The following YIPF5 variants were observed in gnomAD, a reference collection of about 807,000 sequenced individuals.
YIPF5 encodes the protein Yip1 domain family member 5.
YIPF5 carries 8 observed loss-of-function variants against 30.4 expected under a neutral mutation model. The observed-to-expected ratio is 0.26, with a 90% CI of 0.15 to 0.47. The LOEUF (loss-of-function observed/expected upper bound fraction) is 0.47. Among genes scored for constraint, YIPF5 ranks in the 20% least tolerant of loss-of-function variants. The pLI is 0.99. For synonymous variants in YIPF5, 104 were observed against 107.9 expected, an observed-to-expected ratio of 0.96 and a Z score of 0.23; for missense variants, 282 against 301.8, an observed-to-expected ratio of 0.93 and a Z score of 0.49.
Position 144,160,520 on chromosome 5 carries a change from T to C in YIPF5, c.651A>G (p.Gly217=), listed in dbSNP as rs1429079086. The change falls in exon 6 of 6, where the codon GGA becomes GGG. Residue 217 remains glycine, a synonymous_variant. Transcript: ENST00000274496. ...VGIILTAGII[G]WCSFSASKIF... ...TTTTGGAAGCAGAAAAACTACACCA[T>C]CCAATAATCCCAGCAGTGAGAATGA... is the stretch of plus-strand genomic sequence containing the variant. 5 of 1,613,574 alleles carry C rather than the reference T, an allele frequency of 3.1e-6. No individual in the cohort carries two copies. Among genetic ancestry groups the C allele is most frequent in the Non-Finnish European group, 4.2e-6 (5 of 1,179,956 alleles).
chr5:144,164,061 T>C, intron 4 of YIPF5, 50 bp downstream of exon 4: 1 of 1,594,894 alleles, frequency 6.3e-7, no homozygotes, highest in African/African-American at 1.4e-5. Context: ...CATTTAAAAT[T>C]TAAAGGCTGT....
At position 144,159,522 on chromosome 5, in the gene YIPF5, G is replaced by A. The variant is rs915125493; in HGVS notation, c.*875C>T. On this transcript the variant is annotated 3_prime_UTR_variant, in exon 6 of 6. Transcript: ENST00000274496. ...CAATAAGGTAGATTGTGAACTTCCC[G>A]TATCTCTGAATTTTAGCAAAAATTC... 5 of 985,136 alleles carry A rather than the reference G, an allele frequency of 5.1e-6. No individual in the cohort carries two copies. In the African/African-American group the frequency reaches 7.0e-5, roughly 14 times the overall value. 61.0% of individuals were successfully genotyped at this position (985,136 alleles called of 1,614,324 possible).
chr5:144,168,572 T>C (rs1166025376), intron 2 of YIPF5, among the ~76,000 whole-genome samples: 1 of 152,148 alleles, frequency 6.6e-6, no homozygotes, highest in African/African-American at 2.4e-5. Context: ...CATTAATTTA[T>C]CAAAAGAGAT....
intron 3 of YIPF5, 44 bp from the exon 4 acceptor site, chr5:144,164,300 T>A: frequency 6.5e-7 from 1 of 1,529,602 alleles, no homozygotes; most frequent in Non-Finnish European, 8.9e-7. Context: ...ATTTGTGATG[T>A]ATTTTTAATT....
chr5:144,160,635 C>T, intron 5 of YIPF5, 76 bp from the exon 6 acceptor site: 4 of 1,231,942 alleles, frequency 3.2e-6, no homozygotes, highest in South Asian at 1.7e-5. Flanking sequence ...ACTACAATAA[C>T]CTATTCTAAA....
Position 144,162,336 on chromosome 5 carries a change from A to G in YIPF5, c.493T>C (p.Cys165Arg). 12 of 1,614,180 alleles carry G rather than the reference A, an allele frequency of 7.4e-6. No individual in the cohort carries two copies. The highest frequency in any genetic ancestry group is 9.3e-6 in the Non-Finnish European group (11 of 1,179,994). The change falls in exon 5 of 6, where the codon TGT (cysteine) becomes CGT (arginine). Residue 165 changes from cysteine (C) to arginine (R), a missense_variant. Cys to Arg is a radical substitution (Grantham distance 180). Transcript: ENST00000274496. ...ISAIGCLGMF[C>R]LLNLMSMTGV... Reference sequence around the variant, plus strand: ...GTCATACTCATTAAGTTTAATAAACAAAACATTCCTAGACATCCAATTGCA... The same window carrying G: ...GTCATACTCATTAAGTTTAATAAACGAAACATTCCTAGACATCCAATTGCA...
chr5:144,164,335 A>C, intron 3 of YIPF5, 79 bp from the exon 4 acceptor site: 1 of 1,299,954 alleles, frequency 7.7e-7, no homozygotes, highest in Non-Finnish European at 1.1e-6. Context: ...CTGAAACAAG[A>C]GACAAAATGA....
chr5:144,168,122 A>G (rs1752250024), intron 2 of YIPF5, among the ~76,000 whole-genome samples: 2 of 152,218 alleles, frequency 1.3e-5, no homozygotes, highest in African/African-American at 4.8e-5. Context: ...TACTGAAGCA[A>G]TGCTTACTGG....
chr5:144,165,333 T>A, intron 3 of YIPF5, 99 bp downstream of exon 3: 1 of 1,433,246 alleles, frequency 7.0e-7, no homozygotes, highest in Non-Finnish European at 9.4e-7. Flanking sequence ...CTACAGATTA[T>A]TTTTTTTAAA....
chr5:144,160,582 G>C (rs1380663709), intron 5 of YIPF5, 23 bp from the exon 6 acceptor site: 4 of 1,583,760 alleles, frequency 2.5e-6, no homozygotes, highest in Admixed American at 1.8e-5. Flanking sequence ...AGGAAAAAGG[G>C]GGGAGAAGAA....
intron 3 of YIPF5, 130 bp from the exon 4 acceptor site, chr5:144,164,386 A>G: frequency 1.3e-6 from 1 of 780,244 alleles, no homozygotes; most frequent in Non-Finnish European, 2.0e-6. Context: ...GGATGATATT[A>G]TTATTATTAT....
chr5:144,162,981 TA>T lies in YIPF5; in HGVS notation c.430-583del, dbSNP rs1162524085. 3.9e-5 allele frequency among the ~76,000 whole-genome samples: 6 copies of T among 152,308 alleles called. No homozygotes were observed. The East Asian group carries it at 7.7e-4, about 20-fold the overall frequency. On this transcript the variant is annotated intron_variant, in intron 4 of 5. Coordinates refer to ENST00000274496, the MANE Select transcript of YIPF5 (RefSeq NM_030799.9). ...ATGGCAAAAGGAATATAATGGAAGA[TA>T]TTTTTTTCTTTATTTTTCCAAATTA...
In YIPF5 at chr5:144,159,107, A is replaced by C. The variant is rs534354251; in HGVS notation, c.*1290T>G. The C allele has an allele frequency of 7.1e-6, 7 of 981,632 alleles. No individual in the cohort carries two copies. The African/African-American group carries it at 1.2e-4, about 17-fold the overall frequency. The allele number at this position is 981,632 out of a possible 1,614,324, so 60.8% of individuals were successfully genotyped here. On this transcript the variant is annotated 3_prime_UTR_variant, in exon 6 of 6. Transcript: ENST00000274496. Reference sequence around the variant, plus strand: ...TAAATCAAATAAATTTAATACAATAAAATAATGTAACTCAAACTGCTCATT... The same window carrying C: ...TAAATCAAATAAATTTAATACAATACAATAATGTAACTCAAACTGCTCATT...
rs1276392759 is a variant in YIPF5 at position 144,158,958 on chromosome 5, TTC to T, written c.*1437_*1438del. 6.1e-6 allele frequency: 6 copies of T among 985,014 alleles called. No individual in the cohort carries two copies. Among genetic ancestry groups the T allele is most frequent in the Non-Finnish European group, 6.0e-6 (5 of 830,016 alleles). 61.0% of individuals were successfully genotyped at this position (985,014 alleles called of 1,614,324 possible). A position where few individuals can be genotyped will look rare whatever the true frequency, so the allele number is the denominator to read the frequency against. On this transcript the variant is annotated 3_prime_UTR_variant, in exon 6 of 6. Transcript: ENST00000274496. Reference sequence around the variant, plus strand: ...GTATTTTCCTCCCTGTACCATATCTTTCTCGTAACTATAACTGAGCTTTGTCC... The same window carrying T: ...GTATTTTCCTCCCTGTACCATATCTTTCGTAACTATAACTGAGCTTTGTCC...
At chr5:144,163,696 T>C (rs373769902) in intron 4 of YIPF5, among the ~76,000 whole-genome samples, 4 of 151,904 alleles carry the variant, frequency 2.6e-5, no homozygotes, top group East Asian at 1.9e-4. Context: ...AATAATTATA[T>C]AGAAAAGTAA....
intron 2 of YIPF5, among the ~76,000 whole-genome samples, chr5:144,167,025 T>A (rs1043410456): frequency 6.6e-6 from 1 of 152,274 alleles, no homozygotes; most frequent in Non-Finnish European, 1.5e-5. Context: ...GTATATGATA[T>A]CTTAGTATTG....
chr5:144,162,510 A>G, intron 4 of YIPF5, 111 bp from the exon 5 acceptor site: 1 of 952,508 alleles, frequency 1.0e-6, no homozygotes, highest in African/African-American at 1.7e-5. Flanking sequence ...AAAATCTACT[A>G]ATCTATCTAT....
intron 2 of YIPF5, among the ~76,000 whole-genome samples, chr5:144,167,147 G>A (rs1752225880): frequency 6.6e-6 from 1 of 152,114 alleles, no homozygotes; most frequent in Non-Finnish European, 1.5e-5. Context: ...TTTCATGTAA[G>A]GAAGAAAAGT....
Position 144,162,220 on chromosome 5 carries a change from C to A in YIPF5, c.609G>T (p.Leu203Phe). 2 of 1,613,216 alleles carry A rather than the reference C, an allele frequency of 1.2e-6. No homozygotes were observed. Among genetic ancestry groups the A allele is most frequent in the Non-Finnish European group, 1.7e-6 (2 of 1,179,566 alleles). Residue 203 changes from leucine (L) to phenylalanine (F), a missense_variant and splice_region_variant, in exon 5 of 6, where the codon TTG becomes TTT. Coordinates refer to ENST00000274496, the MANE Select transcript of YIPF5 (RefSeq NM_030799.9). ...LLSSFAVIFSLQGMVGIILTA... is the reference protein window; with the variant it reads ...LLSSFAVIFSFQGMVGIILTA... ...CCAAAATAAAGAACAGTACTTACTG[C>A]AAAGAAAATATCACTGCAAAGCTGG...
Sources: allele counts gnomAD v4.1 joint callset (sites outside exome capture counted in the v4.1 genomes callset), GRCh38; gene constraint gnomAD v4.1.1; transcripts MANE v1.5; gene names NCBI Gene and HGNC (gene_info 2026-07-23, HGNC 2026-07-21).